The following AGAP1 variants were observed in gnomAD, a reference collection of about 807,000 sequenced individuals.
AGAP1 encodes arf-GAP with GTPase, ANK repeat and PH domain-containing protein 1.
A neutral mutation model predicts 105.3 loss-of-function variants in AGAP1; 29 were observed. That is an observed-to-expected ratio of 0.28 (90% CI 0.21 to 0.38). The LOEUF is 0.38. AGAP1 is among the 10% of genes least tolerant of loss of function. The pLI is 1.00. For missense variants in AGAP1, 998 were observed against 1,165.1 expected (o/e 0.86, Z 2.09); for synonymous variants, 509 against 485.9 (o/e 1.05, Z -0.63).
At chr2:235,699,552 C>G (rs1412490666) in intron 1 of AGAP1, among the ~76,000 whole-genome samples, 2 of 152,148 alleles carry the variant, frequency 1.3e-5, no homozygotes, top group Non-Finnish European at 2.9e-5. Context: ...CATTTTGTGG[C>G]TGAAATTTAC....
At chr2:235,530,819 G>T (rs1175766115) in intron 1 of AGAP1, among the ~76,000 whole-genome samples, 1 of 152,186 alleles carries the variant, frequency 6.6e-6, no homozygotes, top group Admixed American at 6.5e-5. Flanking sequence ...TGCAGGTTCT[G>T]GGGATTAGGA....
intron 16 of AGAP1, among the ~76,000 whole-genome samples, chr2:236,107,105 T>TCCCCCCCCCCCCCCCCCCC: frequency 6.8e-6 from 1 of 147,276 alleles, no homozygotes; most frequent in Non-Finnish European, 1.5e-5. Context: ...CTTTACCCGT[T>TCCCCCCCCCCCCCCCCCCC]CCCCCCCGCC....
At chr2:235,814,824 C>T (rs1429927678) in intron 9 of AGAP1, among the ~76,000 whole-genome samples, 1 of 152,116 alleles carries the variant, frequency 6.6e-6, no homozygotes, top group African/African-American at 2.4e-5. Context: ...GGAGGAGGGT[C>T]CTAAAGGCCC....
At chr2:235,554,852 T>C (rs1355565093) in intron 1 of AGAP1, among the ~76,000 whole-genome samples, 1 of 152,122 alleles carries the variant, frequency 6.6e-6, no homozygotes, top group Non-Finnish European at 1.5e-5. Flanking sequence ...GTGTTTTTAG[T>C]GGAGACAAGG....
In AGAP1 at chr2:236,005,974, G is replaced by A. The variant is rs777086497; in HGVS notation, c.1646-30587G>A. ...AGTCACTGTGCACTTAAGGAGTTGG[G>A]CGTTAGACCCCCTGTCCTTGAGGGT... On this transcript the variant is annotated intron_variant, in intron 13 of 17. Coordinates refer to ENST00000304032, the MANE Select transcript of AGAP1 (RefSeq NM_001037131.3). This position sits in a 1 kb window ranked among gnomAD's most constrained non-coding sequence, Gnocchi z 4.1. Among the ~76,000 whole-genome samples the A allele has an allele frequency of 6.6e-6, 1 of 152,204 alleles. No individual in the cohort carries two copies. The highest frequency in any genetic ancestry group is 1.5e-5 in the Non-Finnish European group (1 of 68,026).
Position 235,825,007 on chromosome 2 carries a change from A to T in AGAP1, c.1050+17676A>T, listed in dbSNP as rs548628248. ...ACTTGATTTATGGAAGCTTTTTCTTATTTGCAATTCAGCAAGAATAACCAT... is the reference window on the plus strand; with the variant it reads ...ACTTGATTTATGGAAGCTTTTTCTTTTTTGCAATTCAGCAAGAATAACCAT... On this transcript the variant is annotated intron_variant, in intron 9 of 17. Coordinates refer to ENST00000304032, the MANE Select transcript of AGAP1 (RefSeq NM_001037131.3). Among the ~76,000 whole-genome samples the T allele has an allele frequency of 7.2e-4, 109 of 152,290 alleles. 1 individual carries two copies. Among genetic ancestry groups the T allele is most frequent in the Admixed American group, 5.4e-3 (83 of 15,290 alleles).
At position 236,036,154 on chromosome 2, in the gene AGAP1, C is replaced by T. The variant is rs768129118; in HGVS notation, c.1646-407C>T. Among the ~76,000 whole-genome samples the T allele has an allele frequency of 1.3e-5, 2 of 152,166 alleles. No individual in the cohort carries two copies. Among genetic ancestry groups the T allele is most frequent in the East Asian group, 1.9e-4 (1 of 5,174 alleles). ...TATCCATGGAGTGTCTGTGGATCTA[C>T]GCGAGTGCTTAGATAGAAATTAACC... is the stretch of plus-strand genomic sequence containing the variant. On this transcript the variant is annotated intron_variant, in intron 13 of 17. Coordinates refer to ENST00000304032, the MANE Select transcript of AGAP1 (RefSeq NM_001037131.3). This position sits in a 1 kb window ranked among gnomAD's most constrained non-coding sequence, Gnocchi z 5.7.
At position 235,737,591 on chromosome 2, in the gene AGAP1, G is replaced by A. The variant is rs989699575; in HGVS notation, c.311-3372G>A. On this transcript the variant is annotated intron_variant, in intron 3 of 17. Coordinates refer to ENST00000304032, the MANE Select transcript of AGAP1 (RefSeq NM_001037131.3). The surrounding 1 kb of genome is among the most constrained non-coding windows in gnomAD (Gnocchi z 4.5). Reference sequence around the variant, plus strand: ...CCACCTGGAAGCTTCACTTGTGAACGTGACTCTGCAAAAACATGTTAGAGG... The same window carrying A: ...CCACCTGGAAGCTTCACTTGTGAACATGACTCTGCAAAAACATGTTAGAGG... 5.3e-5 allele frequency among the ~76,000 whole-genome samples: 8 copies of A among 152,262 alleles called. No individual in the cohort carries two copies. Among genetic ancestry groups the A allele is most frequent in the South Asian group, 2.1e-4 (1 of 4,814 alleles).
At position 236,114,779 on chromosome 2, in the gene AGAP1, G is replaced by A. The variant is rs565734662; in HGVS notation, c.2115-5413G>A. Among the ~76,000 whole-genome samples the A allele has an allele frequency of 6.6e-6, 1 of 152,270 alleles. No individual in the cohort carries two copies. The highest frequency in any genetic ancestry group is 2.4e-5 in the African/African-American group (1 of 41,546). On this transcript the variant is annotated intron_variant, in intron 16 of 17. Coordinates refer to ENST00000304032, the MANE Select transcript of AGAP1 (RefSeq NM_001037131.3). The surrounding 1 kb of genome is among the most constrained non-coding windows in gnomAD (Gnocchi z 5.0). ...CCCCATCTCCACATACAGCAACATTGAGGGTTAAAGCTTCAGCATGTGAAT... is the reference window on the plus strand; with the variant it reads ...CCCCATCTCCACATACAGCAACATTAAGGGTTAAAGCTTCAGCATGTGAAT...
chr2:235,811,296 C>G (rs575509246), intron 9 of AGAP1, among the ~76,000 whole-genome samples: 7 of 152,238 alleles, frequency 4.6e-5, no homozygotes, highest in Non-Finnish European at 1.0e-4. Context: ...CTGCATAAAC[C>G]GTTCAAGACT....
chr2:235,679,365 A>G (rs1298544271), intron 1 of AGAP1, among the ~76,000 whole-genome samples: 1 of 152,184 alleles, frequency 6.6e-6, no homozygotes, highest in African/African-American at 2.4e-5. Flanking sequence ...TTACTATGAG[A>G]TATACATTTG....
At chr2:235,626,728 T>A (rs111861348) in intron 1 of AGAP1, among the ~76,000 whole-genome samples, 1 of 152,246 alleles carries the variant, frequency 6.6e-6, no homozygotes, top group Non-Finnish European at 1.5e-5. Flanking sequence ...GTAAAAAGTT[T>A]TAGTGCACTT....
chr2:235,920,854 T>C (rs1559648547), intron 11 of AGAP1, among the ~76,000 whole-genome samples: 2 of 152,226 alleles, frequency 1.3e-5, no homozygotes, highest in Non-Finnish European at 2.9e-5. Context: ...ATAACTGATA[T>C]CTGCAGAGGT....
Position 235,936,425 on chromosome 2 carries a change from C to T in AGAP1, c.1483+5502C>T, listed in dbSNP as rs1251238610. On this transcript the variant is annotated intron_variant, in intron 12 of 17. Coordinates refer to ENST00000304032, the MANE Select transcript of AGAP1 (RefSeq NM_001037131.3). The surrounding 1 kb of genome is among the most constrained non-coding windows in gnomAD (Gnocchi z 4.7). ...CAATGGAAAGCATTTGAGTTTTTGC[C>T]AGCTTTTAAATGTCTTTTCTCATTA... 1.3e-5 allele frequency among the ~76,000 whole-genome samples: 2 copies of T among 152,166 alleles called. No individual in the cohort carries two copies. Among genetic ancestry groups the T allele is most frequent in the African/African-American group, 4.8e-5 (2 of 41,432 alleles).
At chr2:235,603,250 G>A (rs957375418) in intron 1 of AGAP1, among the ~76,000 whole-genome samples, 5 of 152,122 alleles carry the variant, frequency 3.3e-5, no homozygotes, top group South Asian at 2.1e-4. Flanking sequence ...TGTAAGATGT[G>A]CCTTTCACCT....
In AGAP1 at chr2:236,126,879, G is replaced by C. The variant is rs896346062; in HGVS notation, c.*2757G>C. 6.6e-6 allele frequency: 1 copy of C among 152,236 alleles called. No individual in the cohort carries two copies. The highest frequency in any genetic ancestry group is 2.4e-5 in the African/African-American group (1 of 41,446). 9.4% of individuals were successfully genotyped at this position (152,236 alleles called of 1,614,324 possible). ...ACCGCACTCTCGTTCCCACTTTCAA[G>C]CTAATTACCACCAAGGCTGGGAGAG... On this transcript the variant is annotated 3_prime_UTR_variant, in exon 18 of 18. Transcript: ENST00000304032.
At chr2:235,702,764 C>G (rs1370476188) in intron 1 of AGAP1, among the ~76,000 whole-genome samples, 1 of 152,008 alleles carries the variant, frequency 6.6e-6, no homozygotes, top group Non-Finnish European at 1.5e-5. Flanking sequence ...GCACATGTGC[C>G]TGTCTCCAAG....
intron 1 of AGAP1, among the ~76,000 whole-genome samples, chr2:235,512,203 G>C (rs1445117733): frequency 6.6e-5 from 10 of 152,244 alleles, no homozygotes. Flanking sequence ...GCAGATGGCT[G>C]CATCTTGTTT....
chr2:235,688,756 C>A (rs1949592250), intron 1 of AGAP1, among the ~76,000 whole-genome samples: 1 of 152,178 alleles, frequency 6.6e-6, no homozygotes, highest in Admixed American at 6.5e-5. Context: ...AGGAAATGAG[C>A]ATTGGGGTGC....
Sources: allele counts gnomAD v4.1 joint callset (sites outside exome capture counted in the v4.1 genomes callset), GRCh38; gene constraint gnomAD v4.1.1; non-coding constraint Gnocchi (gnomAD v3.1); transcripts MANE v1.5; gene names NCBI Gene and HGNC (gene_info 2026-07-23, HGNC 2026-07-21).